Variants in PPP1R13L observed in about 807,000 individuals in gnomAD.
The protein encoded by PPP1R13L is protein phosphatase 1 regulatory subunit 13 like.
In PPP1R13L, 50 loss-of-function variants were observed where a neutral mutation model predicts 80.9. The observed-to-expected ratio is 0.62, with a 90% CI of 0.49 to 0.78. The LOEUF is 0.78. Ranked by LOEUF, PPP1R13L falls within the 30% of genes least tolerant of loss-of-function variation. The pLI is 0.00. For missense variants in PPP1R13L, 1,200 were observed against 1,205.9 expected (o/e 1.00, Z 0.07); for synonymous variants, 602 against 534.3 (o/e 1.13, Z -1.75).
At chr19:45,389,801 T>A (rs971319254) in intron 8 of PPP1R13L, among the ~76,000 whole-genome samples, 5 of 151,996 alleles carry the variant, frequency 3.3e-5, no homozygotes, top group Admixed American at 2.0e-4. Flanking sequence ...TTATTTTTAT[T>A]TTTATTTTTT....
At chr19:45,406,297 T>C (rs1973360875), upstream of PPP1R13L, 1 of 1,080,640 alleles carries the variant, frequency 9.3e-7, no homozygotes, top group Admixed American at 5.5e-5. This position sits in a 1 kb window ranked among gnomAD's most constrained non-coding sequence, Gnocchi z 4.2. Flanking sequence ...CTTACCTGTC[T>C]CTTCAAGAAT....
At chr19:45,383,354 C>CAATG (rs1972805695) in intron 11 of PPP1R13L, among the ~76,000 whole-genome samples, 1 of 122,426 alleles carries the variant, frequency 8.2e-6, no homozygotes, top group East Asian at 2.6e-4. Context: ...GGCAGGAGTG[C>CAATG]AATGGTGCGG....
intron 8 of PPP1R13L, among the ~76,000 whole-genome samples, chr19:45,391,055 A>G (rs1430694021): frequency 6.6e-6 from 1 of 152,018 alleles, no homozygotes; most frequent in African/African-American, 2.4e-5. Context: ...AAAATTAGCC[A>G]GGAGTGGTGG....
Position 45,396,732 on chromosome 19 carries a change from GA to G in PPP1R13L, c.524del (p.Phe175SerfsTer49). 1 of 1,385,394 alleles carries G rather than the reference GA, an allele frequency of 7.2e-7. No homozygotes were observed. Among genetic ancestry groups the G allele is most frequent in the Non-Finnish European group, 9.3e-7 (1 of 1,078,880 alleles). 85.8% of individuals were successfully genotyped at this position (1,385,394 alleles called of 1,614,324 possible). ...GGGAGCCTGCGCGGCCCAGGAAGTC[GA>G]AAGGCGTGGGGGGACCCTGCTGGCG... ...PLRQQGPPTPFDFLGRAGSPR... is the reference protein window; with the variant it reads ...PLRQQGPPTPXDFLGRAGSPR... On this transcript the variant is annotated frameshift_variant, in exon 4 of 13. Coordinates refer to ENST00000360957, the MANE Select transcript of PPP1R13L (RefSeq NM_006663.4). LOFTEE classifies it high-confidence loss of function. This position sits in a 1 kb window ranked among gnomAD's most constrained non-coding sequence, Gnocchi z 5.3.
intron 11 of PPP1R13L, among the ~76,000 whole-genome samples, chr19:45,384,710 C>G (rs1046667388): frequency 3.3e-5 from 5 of 151,732 alleles, no homozygotes; most frequent in Admixed American, 2.0e-4. Flanking sequence ...AAAAATGAGT[C>G]GGGCATGGTG....
chr19:45,385,027 C>G (rs138271815), intron 11 of PPP1R13L, among the ~76,000 whole-genome samples: 2 of 152,132 alleles, frequency 1.3e-5, no homozygotes, highest in African/African-American at 4.8e-5. Flanking sequence ...CTGGCTCCTC[C>G]AGGTGTGAAA....
chr19:45,404,234 G>A (rs933637191), intron 1 of PPP1R13L, among the ~76,000 whole-genome samples: 2 of 152,120 alleles, frequency 1.3e-5, no homozygotes, highest in Non-Finnish European at 2.9e-5. Context: ...GCCGCTTTCC[G>A]GAATTCTGCC....
rs2042657320 is a variant in PPP1R13L at position 45,395,784 on chromosome 19, C to T, written c.1006G>A (p.Ala336Thr). 1.3e-6 allele frequency: 2 copies of T among 1,568,952 alleles called. No homozygotes were observed. The highest frequency in any genetic ancestry group is 1.7e-6 in the Non-Finnish European group (2 of 1,161,270). Residue 336 changes from alanine (A) to threonine (T), a missense_variant, in exon 7 of 13, where the codon GCG becomes ACG. By Grantham distance (58) the Ala-to-Thr change is moderately conservative. Around this residue, in one of 5 missense-constraint regions of PPP1R13L, gnomAD observed 764 missense variants for 714.5 expected, o/e 1.07. Coordinates refer to ENST00000360957, the MANE Select transcript of PPP1R13L (RefSeq NM_006663.4). ...CGAGGCAAAGTGCCCGACGGCCCCGCGGAGCCCAGCGAGCGCCGGTAGCTG... is the reference window on the plus strand; with the variant it reads ...CGAGGCAAAGTGCCCGACGGCCCCGTGGAGCCCAGCGAGCGCCGGTAGCTG... ...AGSYRRSLGS[A>T]GPSGTLPRSW...
Position 45,386,161 on chromosome 19 carries a change from C to T in PPP1R13L, c.1835G>A (p.Arg612Gln), listed in dbSNP as rs554697880. 41 of 1,535,696 alleles carry T rather than the reference C, an allele frequency of 2.7e-5. No individual in the cohort carries two copies. The South Asian group carries it at 4.3e-4, about 16-fold the overall frequency. The stretch of plus-strand genomic sequence containing the variant: ...GGCCTTGCGCGGGGAGCCCGCCTTC[C>T]GCAGCACAGAGCGCATCTCCTGGGG... ...PQSMEMRSVLRKAGSPRKARR... is the reference protein window; with the variant it reads ...PQSMEMRSVLQKAGSPRKARR... Residue 612 changes from arginine (R) to glutamine (Q), a missense_variant, in exon 9 of 13, where the codon CGG (arginine) becomes CAG (glutamine). Coordinates refer to ENST00000360957, the MANE Select transcript of PPP1R13L (RefSeq NM_006663.4).
Position 45,392,086 on chromosome 19 carries a change from G to A in PPP1R13L, c.1609C>T (p.Pro537Ser), listed in dbSNP as rs141349857. The A allele has an allele frequency of 6.5e-7, 1 of 1,539,204 alleles. No homozygotes were observed. Among genetic ancestry groups the A allele is most frequent in the South Asian group, 1.3e-5 (1 of 79,514 alleles). Residue 537 changes from proline (P) to serine (S), a missense_variant, in exon 8 of 13, where the codon CCT becomes TCT. By Grantham distance (74) the Pro-to-Ser change is moderately conservative. This residue lies in a region of PPP1R13L where 53 missense variants were observed against 96.5 expected (regional missense o/e 0.55). Transcript: ENST00000360957. ...TGCTGGTACTGTTTCTTGTGGGTAG[G>A]GGGCAGGGCCACAGCAGGGGCCTGC... is the stretch of plus-strand genomic sequence containing the variant. ...MEQAPAVALP[P>S]THKKQYQQII...
intron 3 of PPP1R13L, 28 bp from the exon 4 acceptor site, chr19:45,397,086 T>C (rs1973120795): frequency 7.8e-7 from 1 of 1,286,606 alleles, no homozygotes; most frequent in African/African-American, 1.5e-5. Context: ...CATTGAGGGA[T>C]GGATCAAAGG....
Position 45,395,815 on chromosome 19 carries a change from G to A in PPP1R13L, c.975C>T (p.Asp325=), listed in dbSNP as rs756056052. 6.3e-7 allele frequency: 1 copy of A among 1,591,498 alleles called. No homozygotes were observed. The highest frequency in any genetic ancestry group is 1.1e-5 in the South Asian group (1 of 88,038). ...CCAGCGAGCGCCGGTAGCTGCCCGCGTCTGAACGCCGGTCGCTGGCCAGAG... is the reference window on the plus strand; with the variant it reads ...CCAGCGAGCGCCGGTAGCTGCCCGCATCTGAACGCCGGTCGCTGGCCAGAG... ...VSPLASDRRS[D]AGSYRRSLGS... is the part of the protein sequence containing the mutation. The change falls in exon 7 of 13, where the codon GAC becomes GAT. Residue 325 remains aspartate, a synonymous_variant. Transcript: ENST00000360957.
At chr19:45,406,349 G>T, upstream of PPP1R13L, 2 of 1,223,674 alleles carry the variant, frequency 1.6e-6, no homozygotes, top group Non-Finnish European at 2.0e-6. This position sits in a 1 kb window ranked among gnomAD's most constrained non-coding sequence, Gnocchi z 4.2. Flanking sequence ...GGCTTAGGAA[G>T]AGCAGTGTGG....
chr19:45,400,871 G>A (rs1266133702), intron 1 of PPP1R13L, among the ~76,000 whole-genome samples: 1 of 60,446 alleles, frequency 1.7e-5, no homozygotes, highest in Non-Finnish European at 2.5e-5. Context: ...CCGCCTCCCG[G>A]GTTCACGCCA....
rs868648351 is a variant in PPP1R13L, at chr19:45,395,463, G to A, written c.1327C>T (p.Gln443Ter). Reference sequence around the variant, plus strand: ...TCGTTCACAGGGGGCCATGTCTGTTGGGGATGCTGGGGGGCTGGGGTAGGG... The same window carrying A: ...TCGTTCACAGGGGGCCATGTCTGTTAGGGATGCTGGGGGGCTGGGGTAGGG... ...QTPTPAPQHP[Q>*]QTWPPVNEGP... Residue 443 changes from glutamine to a stop codon, truncating the protein, a stop_gained, in exon 7 of 13, where the codon CAA becomes TAA. Coordinates refer to ENST00000360957, the MANE Select transcript of PPP1R13L (RefSeq NM_006663.4). LOFTEE classifies it high-confidence loss of function. 6.5e-7 allele frequency: 1 copy of A among 1,531,514 alleles called. No homozygotes were observed. Among genetic ancestry groups the A allele is most frequent in the Admixed American group, 2.0e-5 (1 of 50,874 alleles). 94.9% of individuals were successfully genotyped at this position (1,531,514 alleles called of 1,614,324 possible).
Position 45,396,413 on chromosome 19 carries a change from G to C in PPP1R13L, c.736C>G (p.Pro246Ala). The change falls in exon 5 of 13, where the codon CCT becomes GCT. Residue 246 changes from proline (P) to alanine (A), a missense_variant. Coordinates refer to ENST00000360957, the MANE Select transcript of PPP1R13L (RefSeq NM_006663.4). The surrounding 1 kb of genome is among the most constrained non-coding windows in gnomAD (Gnocchi z 5.3). The stretch of plus-strand genomic sequence containing the variant: ...TCAGACTCGTTCCAGGCTTTCGGAG[G>C]CCGCCGGCGCAGCGTCAGGTCGTCT... ...AQDDLTLRRRPPKAWNESDLD... is the reference protein window; with the variant it reads ...AQDDLTLRRRAPKAWNESDLD... 6.2e-7 allele frequency: 1 copy of C among 1,614,054 alleles called. No homozygotes were observed. The highest frequency in any genetic ancestry group is 8.5e-7 in the Non-Finnish European group (1 of 1,179,980).
intron 7 of PPP1R13L, chr19:45,393,252 T>C (rs1394215496): frequency 1.3e-5 from 2 of 151,284 alleles, no homozygotes; most frequent in East Asian, 1.9e-4. Context: ...ATATATAGTG[T>C]ATATATATTT....
At chr19:45,390,307 G>T (rs1032732892) in intron 8 of PPP1R13L, among the ~76,000 whole-genome samples, 1 of 151,598 alleles carries the variant, frequency 6.6e-6, no homozygotes, top group Non-Finnish European at 1.5e-5. Flanking sequence ...TATAAGACAG[G>T]AAAAAAAGGG....
At chr19:45,391,531 G>T (rs1972972240) in intron 8 of PPP1R13L, among the ~76,000 whole-genome samples, 2 of 152,238 alleles carry the variant, frequency 1.3e-5, no homozygotes. Flanking sequence ...CTCCTGGCCA[G>T]TGGGAGCAGG....
Sources: gnomAD v4.1 joint callset for allele counts (sites outside exome capture counted in the v4.1 genomes callset) on GRCh38, gnomAD v4.1.1 for gene constraint, gnomAD v4.1.1 regional missense constraint, Gnocchi (gnomAD v3.1) non-coding constraint, MANE v1.5 for transcripts, NCBI Gene and HGNC (gene_info 2026-07-23, HGNC 2026-07-21) for gene names.